The following SCN9A variants were observed in gnomAD, a reference collection of about 807,000 sequenced individuals.
SCN9A encodes sodium channel protein type 9 subunit alpha.
A neutral mutation model predicts 187.0 loss-of-function variants in SCN9A; 131 were observed. The observed-to-expected ratio is 0.70, with a 90% CI of 0.61 to 0.81. SCN9A has a LOEUF of 0.81. SCN9A is among the 30% of genes least tolerant of loss of function. SCN9A has a pLI of 0.00. For synonymous variants in SCN9A, 809 were observed against 808.6 expected, an observed-to-expected ratio of 1.00 and a Z score of -0.01; for missense variants, 2,252 against 2,396.6, an observed-to-expected ratio of 0.94 and a Z score of 1.26.
rs114133356 is a variant in SCN9A, at chr2:166,258,322, G to A, written c.3352-6437C>T. On this transcript the variant is annotated intron_variant, in intron 17 of 26. Transcript: ENST00000642356. ...GTGTTCTATGTGTTATTGATAGATA[G>A]GATTTATAATATGCTCTATCTAAAC... Among the ~76,000 whole-genome samples, 1,362 of 151,408 alleles carry A rather than the reference G, an allele frequency of 9.0e-3. 18 individuals carry two copies. Among genetic ancestry groups the A allele is most frequent in the African/African-American group, 0.031 (1,286 of 41,444 alleles).
intron 1 of SCN9A, among the ~76,000 whole-genome samples, chr2:166,370,453 G>A (rs1700531860): frequency 6.6e-6 from 1 of 151,438 alleles, no homozygotes. Flanking sequence ...TGAGGCAGGA[G>A]AATGGTGTGA....
At chr2:166,317,997 T>C (rs543882002) in intron 1 of SCN9A, among the ~76,000 whole-genome samples, 1 of 152,308 alleles carries the variant, frequency 6.6e-6, no homozygotes, top group South Asian at 2.1e-4. Flanking sequence ...AAATATGTGA[T>C]GTAGATCAGA....
At chr2:166,331,765 G>C (rs1699508776) in intron 1 of SCN9A, among the ~76,000 whole-genome samples, 1 of 152,098 alleles carries the variant, frequency 6.6e-6, no homozygotes, top group Non-Finnish European at 1.5e-5. Context: ...ATTGCTCAAT[G>C]TTAATATAAT....
intron 1 of SCN9A, among the ~76,000 whole-genome samples, chr2:166,361,372 A>C (rs1346940843): frequency 1.3e-5 from 2 of 152,094 alleles, no homozygotes; most frequent in Non-Finnish European, 2.9e-5. Context: ...TCAACTCAGA[A>C]TATTTTAAAG....
intron 1 of SCN9A, among the ~76,000 whole-genome samples, chr2:166,369,770 G>T (rs1272455746): frequency 6.6e-6 from 1 of 152,126 alleles, no homozygotes; most frequent in African/African-American, 2.4e-5. Context: ...AGCCCTAAAA[G>T]ATACACTGTC....
At chr2:166,333,100 C>A (rs1326958852) in intron 1 of SCN9A, among the ~76,000 whole-genome samples, 2 of 151,662 alleles carry the variant, frequency 1.3e-5, no homozygotes, top group Non-Finnish European at 2.9e-5. Flanking sequence ...TTGGTCTAAA[C>A]CAGTGGTCCT....
chr2:166,340,584 TTCTTTCTTTC>T (rs1699754287), intron 1 of SCN9A, among the ~76,000 whole-genome samples: 1 of 94,106 alleles, frequency 1.1e-5, no homozygotes, highest in African/African-American at 6.3e-5. Context: ...CTTTCTTTCT[TTCTTTCTTTC>T]TTTCTTTCTT....
intron 1 of SCN9A, among the ~76,000 whole-genome samples, chr2:166,330,533 C>A (rs1315595944): frequency 1.3e-5 from 2 of 151,986 alleles, no homozygotes; most frequent in Non-Finnish European, 2.9e-5. Context: ...TGTATATTAC[C>A]AGACATTTTA....
intron 1 of SCN9A, among the ~76,000 whole-genome samples, chr2:166,355,902 A>G (rs1700142063): frequency 6.6e-6 from 1 of 151,856 alleles, no homozygotes. Context: ...CCTCCTGAGT[A>G]GCTGGGACTA....
Position 166,272,851 on chromosome 2 carries a change from A to G in SCN9A, c.2899T>C (p.Leu967=). The change falls in exon 17 of 27, where the codon TTA becomes CTA. Residue 967 remains leucine, a synonymous_variant. Coordinates refer to ENST00000642356, the MANE Select transcript of SCN9A (RefSeq NM_001365536.1). ...TTGTCTGAACTAAATGAGCTCAATA[A>G]TAAGGCCAGAAATAGGTTTAGGACC... is the stretch of plus-strand genomic sequence containing the variant. ...LVVLNLFLAL[L]LSSFSSDNLT... 6.7e-7 allele frequency: 1 copy of G among 1,501,196 alleles called. No individual in the cohort carries two copies. Among genetic ancestry groups the G allele is most frequent in the Non-Finnish European group, 8.9e-7 (1 of 1,127,136 alleles). The allele number at this position is 1,501,196 out of a possible 1,614,324, so 93.0% of individuals were successfully genotyped here.
At position 166,305,843 on chromosome 2, in the gene SCN9A, G is replaced by C. The variant is rs2106526246; in HGVS notation, c.545C>G (p.Thr182Ser). Reference sequence around the variant, plus strand: ...CCAGTTCCACGGGTCACGAAGAAAAGTGAATTCTCCTACACAGAAGCCTCT... The same window carrying C: ...CCAGTTCCACGGGTCACGAAGAAAACTGAATTCTCCTACACAGAAGCCTCT... Reference protein sequence around the residue: ...LARGFCVGEFTFLRDPWNWLD... With the variant: ...LARGFCVGEFSFLRDPWNWLD... The change falls in exon 5 of 27, where the codon ACT (threonine) becomes AGT (serine). Residue 182 changes from threonine (T) to serine (S), a missense_variant. Around this residue, in one of 7 missense-constraint regions of SCN9A, gnomAD observed 1,013 missense variants for 997.4 expected, o/e 1.02. Transcript: ENST00000642356. 1 of 1,613,378 alleles carries C rather than the reference G, an allele frequency of 6.2e-7. No homozygotes were observed.
At chr2:166,294,785 G>T in intron 7 of SCN9A, 123 bp from the exon 8 acceptor site, 1 of 522,966 alleles carries the variant, frequency 1.9e-6, no homozygotes, top group Non-Finnish European at 3.4e-6. Flanking sequence ...CAGGCAATAT[G>T]CATCCATTTA....
chr2:166,246,646 G>T (rs1376740720), intron 18 of SCN9A, among the ~76,000 whole-genome samples: 1 of 151,862 alleles, frequency 6.6e-6, no homozygotes, highest in Non-Finnish European at 1.5e-5. Flanking sequence ...ATATAAGAAA[G>T]AATTTATCTT....
At chr2:166,282,141 A>G (rs115788144) in intron 12 of SCN9A, among the ~76,000 whole-genome samples, 1 of 152,324 alleles carries the variant, frequency 6.6e-6, no homozygotes, top group African/African-American at 2.4e-5. Context: ...TGAGTGTTCA[A>G]TTTATTCAGA....
intron 5 of SCN9A, among the ~76,000 whole-genome samples, chr2:166,304,644 G>A (rs2106524546): frequency 6.6e-6 from 1 of 152,124 alleles, no homozygotes. Context: ...ATTGAAAATA[G>A]TATGCTAAGT....
chr2:166,273,789 AATC>A (rs1324880772), intron 16 of SCN9A, among the ~76,000 whole-genome samples: 1 of 152,190 alleles, frequency 6.6e-6, no homozygotes, highest in African/African-American at 2.4e-5. Context: ...TCATGGCCCA[AATC>A]ATCTACCTCA....
rs1298094800 is a variant in SCN9A, at chr2:166,242,573, A to T, written c.3556T>A (p.Tyr1186Asn). Reference sequence around the variant, plus strand: ...AACCAACTGTGTTCAACAATCTTGTAGCAGGTTTTCCTGATGTTCCACCAG... The same window carrying T: ...AACCAACTGTGTTCAACAATCTTGTTGCAGGTTTTCCTGATGTTCCACCAG... ...KIWWNIRKTC[Y>N]KIVEHSWFES... Residue 1186 changes from tyrosine (Y) to asparagine (N), a missense_variant, in exon 19 of 27, where the codon TAC becomes AAC. By Grantham distance (143) the Tyr-to-Asn change is moderately radical. Around this residue, in one of 7 missense-constraint regions of SCN9A, gnomAD observed 313 missense variants for 295.3 expected, o/e 1.06. Coordinates refer to ENST00000642356, the MANE Select transcript of SCN9A (RefSeq NM_001365536.1). The T allele has an allele frequency of 3.2e-6, 5 of 1,578,906 alleles. No individual in the cohort carries two copies. Among genetic ancestry groups the T allele is most frequent in the Non-Finnish European group, 4.3e-6 (5 of 1,161,532 alleles).
At chr2:166,226,433 C>T (rs1279235397) in intron 24 of SCN9A, 134 bp downstream of exon 24, 5 of 648,166 alleles carry the variant, frequency 7.7e-6, no homozygotes, top group African/African-American at 1.9e-5. Flanking sequence ...GTATACTAGT[C>T]AATTATTTGA....
intron 2 of SCN9A, among the ~76,000 whole-genome samples, chr2:166,308,032 T>C (rs572717577): frequency 2.1e-4 from 32 of 152,342 alleles, no homozygotes; most frequent in Non-Finnish European, 4.3e-4. Context: ...TTTTTATTTG[T>C]ATGCGGCAGC....
Sources: allele counts gnomAD v4.1 joint callset (sites outside exome capture counted in the v4.1 genomes callset), GRCh38; gene constraint gnomAD v4.1.1; regional missense constraint gnomAD v4.1.1; transcripts MANE v1.5; gene names NCBI Gene and HGNC (gene_info 2026-07-23, HGNC 2026-07-21).